SLC4A7: variants seen among roughly 807,000 people sequenced by gnomAD.
The protein encoded by SLC4A7 is solute carrier family 4 member 7.
Under a neutral mutation model 137.6 loss-of-function variants are expected in SLC4A7, and 51 were observed. The ratio of observed to expected loss-of-function variants is 0.37; its 90% CI spans 0.30 to 0.47. The LOEUF (loss-of-function observed/expected upper bound fraction) is 0.47. SLC4A7 is among the 20% of genes least tolerant of loss of function. The pLI, the probability that SLC4A7 is intolerant of heterozygous loss-of-function variation, is 1.00. For missense variants in SLC4A7, 1,247 were observed against 1,525.4 expected (o/e 0.82, Z 3.04); for synonymous variants, 542 against 518.6 (o/e 1.05, Z -0.61).
In SLC4A7 at chr3:27,483,942, G is replaced by C. The variant is rs545167980; in HGVS notation, c.60+125C>G. On this transcript the variant is annotated intron_variant, in intron 1 of 25. Coordinates refer to ENST00000454389, the MANE Select transcript of SLC4A7 (RefSeq NM_001321103.2). ...TGGCGAGGCGCGCCGGCCGCCGGGA[G>C]GTGGAGGGGCGACGGGCCTGGGACG... 68 of 675,006 alleles carry C rather than the reference G, an allele frequency of 1.0e-4. 1 individual carries two copies. The East Asian group carries it at 2.5e-3, about 24-fold the overall frequency. The allele number at this position is 675,006 out of a possible 1,614,324, so 41.8% of individuals were successfully genotyped here.
chr3:27,464,304 A>T (rs1401423703), intron 1 of SLC4A7, among the ~76,000 whole-genome samples: 3 of 152,270 alleles, frequency 2.0e-5, no homozygotes, highest in Non-Finnish European at 4.4e-5. Context: ...AACGAAGATC[A>T]TGTTTCTCTA....
At chr3:27,414,932 G>T (rs1416169178) in intron 11 of SLC4A7, among the ~76,000 whole-genome samples, 1 of 152,168 alleles carries the variant, frequency 6.6e-6, no homozygotes, top group Non-Finnish European at 1.5e-5. Context: ...CTCCAAGAAG[G>T]AATTTATTGT....
intron 22 of SLC4A7, among the ~76,000 whole-genome samples, chr3:27,386,726 G>A (rs930313240): frequency 3.8e-4 from 58 of 152,144 alleles, no homozygotes; most frequent in African/African-American, 1.3e-3. Flanking sequence ...TAATTATCAC[G>A]TCAAATATAG....
chr3:27,407,211 G>A (rs1238577943), intron 13 of SLC4A7, among the ~76,000 whole-genome samples: 1 of 151,264 alleles, frequency 6.6e-6, no homozygotes, highest in Non-Finnish European at 1.5e-5. Context: ...GCTAGGCACG[G>A]TGGCTCACGC....
intron 20 of SLC4A7, among the ~76,000 whole-genome samples, chr3:27,392,507 A>G (rs973953119): frequency 2.0e-5 from 3 of 152,204 alleles, no homozygotes; most frequent in East Asian, 1.9e-4. Flanking sequence ...TTCTAAGGAC[A>G]CTGGAAAAAA....
intron 1 of SLC4A7, among the ~76,000 whole-genome samples, chr3:27,467,654 C>T (rs1156966959): frequency 1.3e-5 from 2 of 152,192 alleles, no homozygotes; most frequent in Non-Finnish European, 2.9e-5. Flanking sequence ...CCACTCCTTT[C>T]ACACTGCTAA....
At chr3:27,467,390 A>G (rs1376272772) in intron 1 of SLC4A7, among the ~76,000 whole-genome samples, 2 of 152,182 alleles carry the variant, frequency 1.3e-5, no homozygotes, top group Non-Finnish European at 2.9e-5. Context: ...ATCACAAAAA[A>G]TTTCACTTCA....
intron 23 of SLC4A7, 24 bp from the exon 24 acceptor site, chr3:27,383,274 G>T: frequency 1.4e-6 from 2 of 1,476,596 alleles, no homozygotes; most frequent in Non-Finnish European, 1.9e-6. Flanking sequence ...GTGTGAAGAG[G>T]TTACTTTTCC....
In SLC4A7 at chr3:27,409,482, GA is replaced by G. The variant is rs1559691091; in HGVS notation, c.1814del (p.Phe605SerfsTer2). On this transcript the variant is annotated frameshift_variant, in exon 13 of 26. Transcript: ENST00000454389. LOFTEE classifies it high-confidence loss of function. ...TTAATGCATCCTTGAAGTCACTCAA[GA>G]AAAAAGGTGCTTTCCTTTTGATGTC... ...ILDIKRKAPF[F>X]LSDFKDALSL... The G allele has an allele frequency of 6.2e-7, 1 of 1,612,368 alleles. No homozygotes were observed.
At chr3:27,402,599 T>C (rs2052884938) in intron 15 of SLC4A7, among the ~76,000 whole-genome samples, 1 of 152,048 alleles carries the variant, frequency 6.6e-6, no homozygotes, top group African/African-American at 2.4e-5. Context: ...ACTGGTGGGC[T>C]GAGGCAGGAA....
chr3:27,478,525 A>C lies in SLC4A7; in HGVS notation c.60+5542T>G, dbSNP rs186872985. On this transcript the variant is annotated intron_variant, in intron 1 of 25. Coordinates refer to ENST00000454389, the MANE Select transcript of SLC4A7 (RefSeq NM_001321103.2). ...CGAGACTGCCTCAAAAAAAAAAAAA[A>C]AAAAACCCAACAACATTAAAGCATC... is the stretch of plus-strand genomic sequence containing the variant. 3.4e-3 allele frequency among the ~76,000 whole-genome samples: 516 copies of C among 151,868 alleles called. 1 individual carries two copies. Among genetic ancestry groups the C allele is most frequent in the African/African-American group, 0.012 (482 of 41,412 alleles).
chr3:27,381,537 T>C (rs2050415588), intron 24 of SLC4A7, among the ~76,000 whole-genome samples: 1 of 152,028 alleles, frequency 6.6e-6, no homozygotes, highest in African/African-American at 2.4e-5. Flanking sequence ...GAAACATTAA[T>C]ACAGAATAAT....
Position 27,375,690 on chromosome 3 carries a change from A to G in SLC4A7, c.*1074T>C, listed in dbSNP as rs544284486. ...TGTTACTTTTCCAAATGTTTATATAATATTTAAGCATCATATCAAAATAAA... is the reference window on the plus strand; with the variant it reads ...TGTTACTTTTCCAAATGTTTATATAGTATTTAAGCATCATATCAAAATAAA... On this transcript the variant is annotated 3_prime_UTR_variant, in exon 26 of 26. Transcript: ENST00000454389. The G allele has an allele frequency of 1.3e-5, 2 of 152,560 alleles. No individual in the cohort carries two copies. Among genetic ancestry groups the G allele is most frequent in the African/African-American group, 4.8e-5 (2 of 41,576 alleles). 9.5% of individuals were successfully genotyped at this position (152,560 alleles called of 1,614,324 possible). A position where few individuals can be genotyped will look rare whatever the true frequency, so the allele number is the denominator to read the frequency against.
intron 2 of SLC4A7, among the ~76,000 whole-genome samples, chr3:27,449,751 A>T (rs1327945767): frequency 6.6e-6 from 1 of 152,228 alleles, no homozygotes; most frequent in Non-Finnish European, 1.5e-5. Context: ...GTGAAGAGGG[A>T]TGTGAAGTAC....
chr3:27,375,875 TATAAG>T lies in SLC4A7; in HGVS notation c.*884_*888del, dbSNP rs2049866789. The T allele has an allele frequency of 6.6e-6, 1 of 151,998 alleles. No individual in the cohort carries two copies. The highest frequency in any genetic ancestry group is 2.1e-4 in the South Asian group (1 of 4,830). 9.4% of individuals were successfully genotyped at this position (151,998 alleles called of 1,614,324 possible). Reference sequence around the variant, plus strand: ...CTCCTGATTATTTACGCCTACTACTTATAAGAGAATAATAGTCAAGAACTTGAACC... The same window carrying T: ...CTCCTGATTATTTACGCCTACTACTTAGAATAATAGTCAAGAACTTGAACC... On this transcript the variant is annotated 3_prime_UTR_variant, in exon 26 of 26. Transcript: ENST00000454389.
intron 1 of SLC4A7, among the ~76,000 whole-genome samples, chr3:27,466,534 T>G (rs749086397): frequency 6.6e-6 from 1 of 151,828 alleles, no homozygotes; most frequent in South Asian, 2.1e-4. Flanking sequence ...TCTTTAAAAT[T>G]TTTACTTTCT....
chr3:27,456,189 A>G (rs2058396219), intron 1 of SLC4A7, among the ~76,000 whole-genome samples: 1 of 152,232 alleles, frequency 6.6e-6, no homozygotes, highest in African/African-American at 2.4e-5. Flanking sequence ...CCTAAGGTTT[A>G]CAAAAATCCA....
chr3:27,390,395 T>C (rs555424127), intron 21 of SLC4A7: 1 of 245,368 alleles, frequency 4.1e-6, no homozygotes, highest in South Asian at 1.0e-4. Flanking sequence ...GATAAACTTA[T>C]CTGCTATAAT....
chr3:27,392,624 G>A (rs1278001688), intron 20 of SLC4A7, among the ~76,000 whole-genome samples: 3 of 151,950 alleles, frequency 2.0e-5, no homozygotes, highest in Non-Finnish European at 4.4e-5. Context: ...CCATAAGTTC[G>A]AGACCAACCT....
Sources: allele counts gnomAD v4.1 joint callset (sites outside exome capture counted in the v4.1 genomes callset), GRCh38; gene constraint gnomAD v4.1.1; transcripts MANE v1.5; gene names NCBI Gene and HGNC (gene_info 2026-07-23, HGNC 2026-07-21).